Variants in DCHS1 observed in about 807,000 individuals in gnomAD.
DCHS1 encodes the protein dachsous cadherin-related 1, also known as protocadherin-16.
A neutral mutation model predicts 213.9 loss-of-function variants in DCHS1; 78 were observed. That is an observed-to-expected ratio of 0.36 (90% CI 0.30 to 0.44). The LOEUF is 0.44. Ranked by LOEUF, DCHS1 falls within the 20% of genes least tolerant of loss-of-function variation. The probability of loss-of-function intolerance (pLI) is 1.00; values close to 1 mark genes in which losing one functional copy is unlikely to be tolerated. For missense variants in DCHS1, 3,946 were observed against 4,395.9 expected (o/e 0.90, Z 2.89); for synonymous variants, 1,828 against 1,873.7 (o/e 0.98, Z 0.63).
In DCHS1 at chr11:6,641,514, CCAG is replaced by C. The variant is rs72555381; in HGVS notation, c.97_99del (p.Leu33del). ...CCCCAGGCACCTGGCACCCCAGCCC[CCAG>C]CAGCAGCAGCAGCAGCAGCAGCAAT... On this transcript the variant is annotated inframe_deletion, in exon 2 of 21. Coordinates refer to ENST00000299441, the MANE Select transcript of DCHS1 (RefSeq NM_003737.4). This position sits in a 1 kb window ranked among gnomAD's most constrained non-coding sequence, Gnocchi z 7.1. 6.9e-4 allele frequency: 1,010 copies of C among 1,459,754 alleles called. 1 individual carries two copies. The highest frequency in any genetic ancestry group is 5.5e-3 in the African/African-American group (388 of 70,412). The allele number at this position is 1,459,754 out of a possible 1,614,324, so 90.4% of individuals were successfully genotyped here. A position where few individuals can be genotyped will look rare whatever the true frequency, so the allele number is the denominator to read the frequency against.
intron 2 of DCHS1, among the ~76,000 whole-genome samples, chr11:6,635,416 A>G (rs778094924): frequency 1.4e-4 from 22 of 152,194 alleles, no homozygotes; most frequent in South Asian, 4.1e-4. Context: ...GGTGCTGACA[A>G]CTGTAGCCTG....
rs748441819 is a variant in DCHS1 at position 6,627,209 on chromosome 11, C to T, written c.5830G>A (p.Val1944Met). 3 of 1,613,244 alleles carry T rather than the reference C, an allele frequency of 1.9e-6. No homozygotes were observed. The South Asian group carries it at 3.3e-5, about 18-fold the overall frequency. The change falls in exon 14 of 21, where the codon GTG becomes ATG. Residue 1944 changes from valine to methionine, a missense_variant. This residue lies in a region of DCHS1 where 3,384 missense variants were observed against 3,780.1 expected (regional missense o/e 0.90). Coordinates refer to ENST00000299441, the MANE Select transcript of DCHS1 (RefSeq NM_003737.4). The surrounding 1 kb of genome is among the most constrained non-coding windows in gnomAD (Gnocchi z 5.4). ...GAAAGPLSTT[V>M]SVTITVRDVN... Reference sequence around the variant, plus strand: ...TCGCGCACCGTGATGGTGACAGACACTGTGGTGCTTAGGGGCCCAGCAGCT... The same window carrying T: ...TCGCGCACCGTGATGGTGACAGACATTGTGGTGCTTAGGGGCCCAGCAGCT...
Position 6,625,586 on chromosome 11 carries a change from C to T in DCHS1, c.6862+11G>A, listed in dbSNP as rs201464851. The stretch of plus-strand genomic sequence containing the variant: ...GCCACCCTTTATGCCACCCACTTTA[C>T]CCAGCCTCACCTTCTGACACTCGGA... On this transcript the variant is annotated intron_variant, in intron 18 of 20. Transcript: ENST00000299441. This position sits in a 1 kb window ranked among gnomAD's most constrained non-coding sequence, Gnocchi z 5.3. The T allele has an allele frequency of 1.9e-5, 31 of 1,613,578 alleles. No individual in the cohort carries two copies. In the East Asian group the frequency reaches 6.0e-4, roughly 31 times the overall value.
chr11:6,655,435 G>GC (rs1439637305), intron 1 of DCHS1, 128 bp downstream of exon 1: 34 of 570,558 alleles, frequency 6.0e-5, no homozygotes, highest in African/African-American at 1.0e-4. Context: ...GCAGGCCCAG[G>GC]CCCCCCCTCC....
In DCHS1 at chr11:6,626,832, G is replaced by A. The variant is rs1301161280; in HGVS notation, c.6207C>T (p.Pro2069=). Reference sequence around the variant, plus strand: ...GAATCGTAGCCTCACTGCTAGCCCGGGGAAAGCGGGGTCCACGCTCAGCTT... The same window carrying A: ...GAATCGTAGCCTCACTGCTAGCCCGAGGAAAGCGGGGTCCACGCTCAGCTT... ...QGEAERGPRF[P]RASSEATIRE... is the part of the protein sequence containing the mutation. The change falls in exon 14 of 21, where the codon CCC becomes CCT. Residue 2069 remains proline, a synonymous_variant. Coordinates refer to ENST00000299441, the MANE Select transcript of DCHS1 (RefSeq NM_003737.4). This position sits in a 1 kb window ranked among gnomAD's most constrained non-coding sequence, Gnocchi z 5.2. 3 of 1,613,176 alleles carry A rather than the reference G, an allele frequency of 1.9e-6. No homozygotes were observed. The highest frequency in any genetic ancestry group is 2.5e-6 in the Non-Finnish European group (3 of 1,179,852).
At chr11:6,655,174 C>T (rs1856296751) in intron 1 of DCHS1, among the ~76,000 whole-genome samples, 2 of 152,162 alleles carry the variant, frequency 1.3e-5, no homozygotes, top group Admixed American at 6.5e-5. Flanking sequence ...CACCATGACA[C>T]ACGGTCATTC....
chr11:6,626,653 A>G lies in DCHS1; in HGVS notation c.6263T>C (p.Val2088Ala). 1 of 1,613,948 alleles carries G rather than the reference A, an allele frequency of 6.2e-7. No individual in the cohort carries two copies. Among genetic ancestry groups the G allele is most frequent in the South Asian group, 1.1e-5 (1 of 91,082 alleles). ...TCCTGCATGGACGGCCCTGGGGGAG[A>G]CAATAGGAGTCCCTGCAGAAAGAAC... ...RENAPPGTPI[V>A]SPRAVHAGGT... is the part of the protein sequence containing the mutation. Residue 2088 changes from valine to alanine, a missense_variant, in exon 15 of 21, where the codon GTC becomes GCC. Val to Ala is a moderately conservative substitution (Grantham distance 64). This residue lies in a region of DCHS1 where 3,384 missense variants were observed against 3,780.1 expected (regional missense o/e 0.90). Transcript: ENST00000299441. The surrounding 1 kb of genome is among the most constrained non-coding windows in gnomAD (Gnocchi z 5.2).
chr11:6,642,804 T>C (rs982533245), intron 1 of DCHS1, among the ~76,000 whole-genome samples: 4 of 152,128 alleles, frequency 2.6e-5, no homozygotes, highest in Non-Finnish European at 5.9e-5. Context: ...TTTGTGAAGA[T>C]GGCTATTGCA....
intron 2 of DCHS1, chr11:6,634,931 G>A (rs532130704): frequency 6.6e-6 from 1 of 152,324 alleles, no homozygotes; most frequent in East Asian, 1.9e-4. Flanking sequence ...CCCATGTCCA[G>A]GAATGCTAGT....
chr11:6,641,976 G>A lies in DCHS1; in HGVS notation c.-120-243C>T, dbSNP rs2134647435. Among the ~76,000 whole-genome samples the A allele has an allele frequency of 6.6e-6, 1 of 152,054 alleles. No homozygotes were observed. The highest frequency in any genetic ancestry group is 1.5e-5 in the Non-Finnish European group (1 of 67,976). On this transcript the variant is annotated intron_variant, in intron 1 of 20. Coordinates refer to ENST00000299441, the MANE Select transcript of DCHS1 (RefSeq NM_003737.4). The surrounding 1 kb of genome is among the most constrained non-coding windows in gnomAD (Gnocchi z 7.1). ...GATTTTTATGCATCCTATTTTTTCG[G>A]GTCTGAATGCCCACAAACTCCCTTC...
chr11:6,622,893 C>A lies in DCHS1; in HGVS notation c.8783G>T (p.Gly2928Val). The change falls in exon 21 of 21, where the codon GGC becomes GTC. Residue 2928 changes from glycine to valine, a missense_variant. Physicochemically the swap from Gly to Val is moderately radical, Grantham distance 109 (BLOSUM62 -3). Around this residue, in one of 3 missense-constraint regions of DCHS1, gnomAD observed 554 missense variants for 590.2 expected, o/e 0.94. Coordinates refer to ENST00000299441, the MANE Select transcript of DCHS1 (RefSeq NM_003737.4). This position sits in a 1 kb window ranked among gnomAD's most constrained non-coding sequence, Gnocchi z 5.4. The part of the protein sequence containing the change: ...VTVDITHTAL[G>V]LAPDLNLLLV... ...TAGCAGGTTGAGGTCAGGTGCCAGG[C>A]CCAGTGCGGTGTGGGTGATATCCAC... is the stretch of plus-strand genomic sequence containing the variant. The A allele has an allele frequency of 6.3e-7, 1 of 1,597,084 alleles. No individual in the cohort carries two copies. Among genetic ancestry groups the A allele is most frequent in the Non-Finnish European group, 8.5e-7 (1 of 1,172,000 alleles).
Position 6,641,727 on chromosome 11 carries a change from C to T in DCHS1, c.-114G>A. 1 of 1,441,688 alleles carries T rather than the reference C, an allele frequency of 6.9e-7. No individual in the cohort carries two copies. Among genetic ancestry groups the T allele is most frequent in the Non-Finnish European group, 9.1e-7 (1 of 1,099,452 alleles). 89.3% of individuals were successfully genotyped at this position (1,441,688 alleles called of 1,614,324 possible). A position where few individuals can be genotyped will look rare whatever the true frequency, so the allele number is the denominator to read the frequency against. On this transcript the variant is annotated 5_prime_UTR_variant, in exon 2 of 21. Transcript: ENST00000299441. This position sits in a 1 kb window ranked among gnomAD's most constrained non-coding sequence, Gnocchi z 7.1. Reference sequence around the variant, plus strand: ...TGGGGCCCTGGCTCCAGCTCAGGCTCCCTGACCTGGGAGAAAACAGAAGGA... The same window carrying T: ...TGGGGCCCTGGCTCCAGCTCAGGCTTCCTGACCTGGGAGAAAACAGAAGGA...
chr11:6,623,928 C>T lies in DCHS1; in HGVS notation c.7748G>A (p.Ser2583Asn), dbSNP rs781095056. 3.7e-6 allele frequency: 6 copies of T among 1,607,206 alleles called. No individual in the cohort carries two copies. The highest frequency in any genetic ancestry group is 5.1e-6 in the Non-Finnish European group (6 of 1,174,968). Reference sequence around the variant, plus strand: ...AGTGACAGTGACTGGCACGACTGAGCTTTGGGGTGGCTGCCCACGGTCAGC... The same window carrying T: ...AGTGACAGTGACTGGCACGACTGAGTTTTGGGGTGGCTGCCCACGGTCAGC... ...AAADRGQPPQ[S>N]SVVPVTVTVL... Residue 2583 changes from serine to asparagine, a missense_variant, in exon 21 of 21, where the codon AGC (serine) becomes AAC (asparagine). Physicochemically the swap from Ser to Asn is conservative, Grantham distance 46. Coordinates refer to ENST00000299441, the MANE Select transcript of DCHS1 (RefSeq NM_003737.4).
At position 6,651,387 on chromosome 11, in the gene DCHS1, G is replaced by A. The variant is rs12270269; in HGVS notation, c.-121+4176C>T. On this transcript the variant is annotated intron_variant, in intron 1 of 20. Transcript: ENST00000299441. ...ATTCAGTATGGCTGAAACTCAAAAC[G>A]TGAGGGGGCTGGGGAAATGGGGCAG... Among the ~76,000 whole-genome samples, 266 of 152,204 alleles carry A rather than the reference G, an allele frequency of 1.7e-3. 1 individual carries two copies. The East Asian group carries it at 0.047, about 27-fold the overall frequency.
chr11:6,634,350 G>T (rs774955414), intron 2 of DCHS1, 44 bp from the exon 3 acceptor site: 3 of 1,523,160 alleles, frequency 2.0e-6, no homozygotes, highest in Non-Finnish European at 2.6e-6. Flanking sequence ...TTCTTTGCCA[G>T]AAAAGCCAGA....
Position 6,631,696 on chromosome 11 carries a change from C to T in DCHS1, c.3595G>A (p.Val1199Ile), listed in dbSNP as rs1378927117. Residue 1199 changes from valine to isoleucine, a missense_variant, in exon 7 of 21, where the codon GTT (valine) becomes ATT (isoleucine). By Grantham distance (29) the Val-to-Ile change is conservative. Around this residue, in one of 3 missense-constraint regions of DCHS1, gnomAD observed 3,384 missense variants for 3,780.1 expected, o/e 0.90. Transcript: ENST00000299441. ...TTGTCGTTGAGGTCAAGCACTGCAACATGCACAGTGCCTGTGGTGCTGCGG... is the reference window on the plus strand; with the variant it reads ...TTGTCGTTGAGGTCAAGCACTGCAATATGCACAGTGCCTGTGGTGCTGCGG... ...PPRSTTGTVHVAVLDLNDNSP... is the reference protein window; with the variant it reads ...PPRSTTGTVHIAVLDLNDNSP... 3 of 1,610,542 alleles carry T rather than the reference C, an allele frequency of 1.9e-6. No individual in the cohort carries two copies. Among genetic ancestry groups the T allele is most frequent in the South Asian group, 1.1e-5 (1 of 90,416 alleles).
In DCHS1 at chr11:6,627,711, G is replaced by C. The variant is rs761790793; in HGVS notation, c.5372-44C>G. The C allele has an allele frequency of 1.9e-6, 3 of 1,572,344 alleles. No homozygotes were observed. The highest frequency in any genetic ancestry group is 2.6e-6 in the Non-Finnish European group (3 of 1,155,506). On this transcript the variant is annotated intron_variant, in intron 13 of 20. Transcript: ENST00000299441. This position sits in a 1 kb window ranked among gnomAD's most constrained non-coding sequence, Gnocchi z 5.4. ...ACATATAAATATACATGTGTCGTGG[G>C]GATGGGGGTGATTTACAGACAACAG...
intron 1 of DCHS1, among the ~76,000 whole-genome samples, chr11:6,643,989 G>T (rs999976759): frequency 2.0e-5 from 3 of 152,118 alleles, no homozygotes; most frequent in Non-Finnish European, 4.4e-5. Flanking sequence ...CATGTCTCAG[G>T]TCTTTCTTGT....
At position 6,625,697 on chromosome 11, in the gene DCHS1, G is replaced by A. The variant is rs1247164808; in HGVS notation, c.6762C>T (p.Ser2254=). 3 of 1,610,520 alleles carry A rather than the reference G, an allele frequency of 1.9e-6. No individual in the cohort carries two copies. The highest frequency in any genetic ancestry group is 2.5e-6 in the Non-Finnish European group (3 of 1,178,638). ...RLVLMATDRG[S]PALVGSATLT... is the part of the protein sequence containing the mutation. ...AGGTAGCTGAGCCCACCAGGGCTGGGCTCCCTCTGTCTGTGGCCATCAGCA... is the reference window on the plus strand; with the variant it reads ...AGGTAGCTGAGCCCACCAGGGCTGGACTCCCTCTGTCTGTGGCCATCAGCA... Residue 2254 remains serine, a synonymous_variant, in exon 18 of 21, where the codon AGC becomes AGT. Coordinates refer to ENST00000299441, the MANE Select transcript of DCHS1 (RefSeq NM_003737.4). This position sits in a 1 kb window ranked among gnomAD's most constrained non-coding sequence, Gnocchi z 5.3.
Sources: gnomAD v4.1 joint callset for allele counts (sites outside exome capture counted in the v4.1 genomes callset) on GRCh38, gnomAD v4.1.1 for gene constraint, gnomAD v4.1.1 regional missense constraint, Gnocchi (gnomAD v3.1) non-coding constraint, MANE v1.5 for transcripts, NCBI Gene and HGNC (gene_info 2026-07-23, HGNC 2026-07-21) for gene names.